NFASC: variants seen among roughly 807,000 people sequenced by gnomAD.
NFASC encodes the protein neurofascin homolog.
A neutral mutation model predicts 147.5 loss-of-function variants in NFASC; 43 were observed. That is an observed-to-expected ratio of 0.29 (90% CI 0.23 to 0.38). The LOEUF (loss-of-function observed/expected upper bound fraction) is 0.38. NFASC is among the 10% of genes least tolerant of loss of function. The pLI is 1.00. For synonymous variants in NFASC, 622 were observed against 665.5 expected (o/e 0.93, Z 1.01); for missense variants, 1,320 against 1,689.0 (o/e 0.78, Z 3.83).
rs535665464 is a variant in NFASC, at chr1:204,930,587, T to C, written c.-91+9847T>C. ...TAACATCAGAGTCTGATGCAGGAGA[T>C]GGATTTGGGAATAAACTCATCCCAT... is the stretch of plus-strand genomic sequence containing the variant. On this transcript the variant is annotated intron_variant, in intron 2 of 29. Transcript: ENST00000339876. Among the ~76,000 whole-genome samples the C allele has an allele frequency of 7.2e-5, 11 of 152,166 alleles. No individual in the cohort carries two copies. In the East Asian group the frequency reaches 2.1e-3, roughly 29 times the overall value.
intron 2 of NFASC, among the ~76,000 whole-genome samples, chr1:204,922,673 G>A (rs1287839720): frequency 6.6e-6 from 1 of 152,054 alleles, no homozygotes; most frequent in African/African-American, 2.4e-5. Context: ...TGTTTTTCTC[G>A]CTGTGATATC....
rs7548234 is a variant in NFASC at position 205,017,231 on chromosome 1, C to T, written c.*692C>T. 0.076 allele frequency: 12,349 copies of T among 163,172 alleles called. 1,489 individuals are homozygous for T. Among genetic ancestry groups the T allele is most frequent in the African/African-American group, 0.27 (11,079 of 41,634 alleles). The allele number at this position is 163,172 out of a possible 1,614,324, so 10.1% of individuals were successfully genotyped here. On this transcript the variant is annotated 3_prime_UTR_variant, in exon 30 of 30. Coordinates refer to ENST00000339876, the MANE Select transcript of NFASC (RefSeq NM_001005388.3). ...CAGTATTTTTGGCAGGGAGAAGGTG[C>T]GCAGGCCTCCTTGCTGCTCTCTGGT...
intron 2 of NFASC, among the ~76,000 whole-genome samples, chr1:204,933,134 G>C (rs549557049): frequency 6.6e-5 from 10 of 152,174 alleles, no homozygotes; most frequent in Non-Finnish European, 1.5e-4. Context: ...TTAATGGGAT[G>C]ATATGAAAGG....
At chr1:204,903,448 T>C (rs533211132) in intron 1 of NFASC, among the ~76,000 whole-genome samples, 2 of 152,350 alleles carry the variant, frequency 1.3e-5, no homozygotes, top group Admixed American at 1.3e-4. Context: ...AACAAAGCAC[T>C]GCCTACAGAG....
chr1:204,850,369 G>A lies in NFASC; in HGVS notation c.-200+21587G>A, dbSNP rs1292498488. ...ACTCTCCTTGTGTATAAGGTGTGAG[G>A]AGCTAGAGGAGACAAGATGCCTCTC... On this transcript the variant is annotated intron_variant, in intron 1 of 29. Coordinates refer to ENST00000339876, the MANE Select transcript of NFASC (RefSeq NM_001005388.3). 3.3e-5 allele frequency among the ~76,000 whole-genome samples: 5 copies of A among 152,150 alleles called. No homozygotes were observed. The East Asian group carries it at 9.6e-4, about 29-fold the overall frequency.
At chr1:204,881,654 A>C (rs1199597182) in intron 1 of NFASC, among the ~76,000 whole-genome samples, 1 of 152,204 alleles carries the variant, frequency 6.6e-6, no homozygotes. Flanking sequence ...GTTCCTGAAG[A>C]ACACGGGATA....
At chr1:204,895,879 C>T (rs905161834) in intron 1 of NFASC, among the ~76,000 whole-genome samples, 3 of 152,162 alleles carry the variant, frequency 2.0e-5, no homozygotes, top group African/African-American at 7.2e-5. Context: ...ACATCATAAT[C>T]ACCTTCTTAG....
chr1:205,019,309 C>A lies in NFASC; in HGVS notation c.*2770C>A, dbSNP rs2096384266. 1 of 152,238 alleles carries A rather than the reference C, an allele frequency of 6.6e-6. No individual in the cohort carries two copies. The highest frequency in any genetic ancestry group is 2.4e-5 in the African/African-American group (1 of 41,432). 9.4% of individuals were successfully genotyped at this position (152,238 alleles called of 1,614,324 possible). ...TCCCAAGCAACTACCCCAAGACATA[C>A]CAACAGTGAAGCCAGGACAGCACCA... is the stretch of plus-strand genomic sequence containing the variant. On this transcript the variant is annotated 3_prime_UTR_variant, in exon 30 of 30. Coordinates refer to ENST00000339876, the MANE Select transcript of NFASC (RefSeq NM_001005388.3).
chr1:204,901,649 C>T (rs2084621055), intron 1 of NFASC, among the ~76,000 whole-genome samples: 1 of 152,038 alleles, frequency 6.6e-6, no homozygotes, highest in Non-Finnish European at 1.5e-5. Context: ...TCTTCTGAGG[C>T]CTTTCCTTGT....
chr1:204,997,984 A>T (rs1379617174), intron 25 of NFASC: 1 of 153,636 alleles, frequency 6.5e-6, no homozygotes, highest in Non-Finnish European at 1.4e-5. Context: ...TTTCTTTTAC[A>T]AAGTCAGAGC....
intron 21 of NFASC, among the ~76,000 whole-genome samples, chr1:204,984,609 C>T (rs537770785): frequency 6.6e-6 from 1 of 151,704 alleles, no homozygotes; most frequent in Non-Finnish European, 1.5e-5. Context: ...CCCTACTGGG[C>T]TCCTTATCTC....
At position 205,017,924 on chromosome 1, in the gene NFASC, C is replaced by G. The variant is rs929200924; in HGVS notation, c.*1385C>G. 4.6e-5 allele frequency: 7 copies of G among 153,080 alleles called. No individual in the cohort carries two copies. The highest frequency in any genetic ancestry group is 1.9e-4 in the East Asian group (1 of 5,190). 9.5% of individuals were successfully genotyped at this position (153,080 alleles called of 1,614,324 possible). A position where few individuals can be genotyped will look rare whatever the true frequency, so the allele number is the denominator to read the frequency against. ...AGTTCCCAGGTTCCCAGCTCCCCCC[C>G]TGCAAGCCTTGAAGCCTCCAGCAAC... On this transcript the variant is annotated 3_prime_UTR_variant, in exon 30 of 30. Coordinates refer to ENST00000339876, the MANE Select transcript of NFASC (RefSeq NM_001005388.3).
chr1:204,868,150 CA>C (rs2077271189), intron 1 of NFASC, among the ~76,000 whole-genome samples: 1 of 152,246 alleles, frequency 6.6e-6, no homozygotes, highest in Non-Finnish European at 1.5e-5. Flanking sequence ...GCAGTAGTTA[CA>C]GTCAGTGAGC....
intron 1 of NFASC, among the ~76,000 whole-genome samples, chr1:204,890,105 AC>A (rs1436435072): frequency 6.6e-6 from 1 of 152,232 alleles, no homozygotes; most frequent in Non-Finnish European, 1.5e-5. Flanking sequence ...GGCTGAGCAC[AC>A]AGGCAAATTG....
At chr1:204,890,242 T>C (rs1336474828) in intron 1 of NFASC, among the ~76,000 whole-genome samples, 4 of 152,198 alleles carry the variant, frequency 2.6e-5, no homozygotes, top group African/African-American at 7.2e-5. Flanking sequence ...TTCACGCAGG[T>C]TGTGTTGGCT....
chr1:204,916,610 A>T (rs2089304350), intron 1 of NFASC, among the ~76,000 whole-genome samples: 1 of 152,160 alleles, frequency 6.6e-6, no homozygotes, highest in Non-Finnish European at 1.5e-5. Context: ...GGATTTATTA[A>T]CCCAGATATA....
At chr1:204,992,781 G>A (rs2095763886) in intron 24 of NFASC, among the ~76,000 whole-genome samples, 1 of 152,220 alleles carries the variant, frequency 6.6e-6, no homozygotes, top group Admixed American at 6.5e-5. Flanking sequence ...ACCCAAGGCA[G>A]GTGGGCCTGG....
intron 20 of NFASC, among the ~76,000 whole-genome samples, chr1:204,981,346 A>T (rs1028302434): frequency 1.3e-5 from 2 of 152,270 alleles, no homozygotes; most frequent in Non-Finnish European, 2.9e-5. Flanking sequence ...GGACAGACAC[A>T]CACAAATTCG....
chr1:204,988,147 T>G (rs1005124469), intron 22 of NFASC, among the ~76,000 whole-genome samples: 1 of 152,234 alleles, frequency 6.6e-6, no homozygotes, highest in Non-Finnish European at 1.5e-5. Context: ...AAATGTTGTG[T>G]TGTTAGCAAT....
Sources: allele counts gnomAD v4.1 joint callset (sites outside exome capture counted in the v4.1 genomes callset), GRCh38; gene constraint gnomAD v4.1.1; transcripts MANE v1.5; gene names NCBI Gene and HGNC (gene_info 2026-07-23, HGNC 2026-07-21).